Variants in IFT52 observed in about 807,000 individuals in gnomAD.
IFT52 encodes the protein intraflagellar transport 52.
In IFT52, 44 loss-of-function variants were observed where a neutral mutation model predicts 54.4. The observed-to-expected ratio is 0.81, with a 90% CI of 0.63 to 1.04. IFT52 has a LOEUF of 1.04. IFT52 is among the 50% of genes least tolerant of loss of function. The pLI is 0.00. For missense variants in IFT52, 452 were observed against 523.6 expected, an observed-to-expected ratio of 0.86 and a Z score of 1.33; for synonymous variants, 181 against 185.3, an observed-to-expected ratio of 0.98 and a Z score of 0.19.
chr20:43,593,630 C>T (rs535580616), intron 1 of IFT52, among the ~76,000 whole-genome samples: 1 of 152,194 alleles, frequency 6.6e-6, no homozygotes, highest in South Asian at 2.1e-4. Flanking sequence ...TGCAGAGTGG[C>T]GTGATTGTGG....
rs1982654540 is a variant in IFT52 at position 43,603,946 on chromosome 20, T to C, written c.337+57T>C. The C allele has an allele frequency of 4.0e-6, 5 of 1,252,098 alleles. No homozygotes were observed. The South Asian group carries it at 6.4e-5, about 16-fold the overall frequency. 77.6% of individuals were successfully genotyped at this position (1,252,098 alleles called of 1,614,324 possible). ...GTACTTTTCTATCTATTATTTGATA[T>C]CATAGCCCTCTAGGTCCAGTGGCAT... is the stretch of plus-strand genomic sequence containing the variant. On this transcript the variant is annotated intron_variant, in intron 4 of 13. Coordinates refer to ENST00000373030, the MANE Select transcript of IFT52 (RefSeq NM_016004.5).
intron 13 of IFT52, 126 bp from the exon 14 acceptor site, chr20:43,646,810 C>G (rs1986231441): frequency 2.4e-6 from 2 of 830,768 alleles, no homozygotes; most frequent in Admixed American, 2.2e-5. Flanking sequence ...AGCCCTAAAG[C>G]CAGATATTAT....
Position 43,647,052 on chromosome 20 carries a change from T to C in IFT52, c.*69T>C. 3 of 1,366,336 alleles carry C rather than the reference T, an allele frequency of 2.2e-6. No individual in the cohort carries two copies. Among genetic ancestry groups the C allele is most frequent in the Non-Finnish European group, 3.1e-6 (3 of 955,458 alleles). The allele number at this position is 1,366,336 out of a possible 1,614,324, so 84.6% of individuals were successfully genotyped here. On this transcript the variant is annotated 3_prime_UTR_variant, in exon 14 of 14. Transcript: ENST00000373030. ...TTGTAAACTATTTTCAAATTGTTTTTCAACTCCTTATCAAAATTGTTTATA... is the reference window on the plus strand; with the variant it reads ...TTGTAAACTATTTTCAAATTGTTTTCCAACTCCTTATCAAAATTGTTTATA...
At chr20:43,599,537 G>A (rs764636056) in intron 3 of IFT52, among the ~76,000 whole-genome samples, 1 of 151,886 alleles carries the variant, frequency 6.6e-6, no homozygotes, top group Non-Finnish European at 1.5e-5. Flanking sequence ...AGGGAAAAAA[G>A]CTGTTAGCTT....
chr20:43,599,653 C>A (rs773676969), intron 3 of IFT52, among the ~76,000 whole-genome samples: 1 of 152,146 alleles, frequency 6.6e-6, no homozygotes, highest in South Asian at 2.1e-4. Context: ...TAGACTGTTA[C>A]CCCTGGAGAG....
chr20:43,609,565 C>T (rs1032320744), intron 6 of IFT52, among the ~76,000 whole-genome samples: 3 of 151,836 alleles, frequency 2.0e-5, no homozygotes, highest in South Asian at 2.1e-4. Flanking sequence ...TGAGATCAGG[C>T]GTTCAAGACC....
At chr20:43,629,074 A>G (rs1306254104) in intron 10 of IFT52, among the ~76,000 whole-genome samples, 2 of 152,124 alleles carry the variant, frequency 1.3e-5, no homozygotes, top group South Asian at 2.1e-4. Context: ...GGGCCCAGAC[A>G]TGGATTTAAC....
chr20:43,593,584 T>C (rs1367858611), intron 1 of IFT52, among the ~76,000 whole-genome samples: 1 of 152,296 alleles, frequency 6.6e-6, no homozygotes, highest in East Asian at 1.9e-4. Context: ...TGTTGTTGTT[T>C]AAAGACAGGG....
chr20:43,598,943 T>A (rs538169600), intron 3 of IFT52, among the ~76,000 whole-genome samples: 1 of 152,172 alleles, frequency 6.6e-6, no homozygotes, highest in Non-Finnish European at 1.5e-5. Context: ...CTGCTGTTAC[T>A]CTGGGTGGTG....
intron 10 of IFT52, among the ~76,000 whole-genome samples, chr20:43,624,560 G>A (rs73907871): frequency 0.011 from 1,676 of 152,292 alleles, 24 homozygotes; most frequent in African/African-American, 0.03. Flanking sequence ...TAGGGAAGCC[G>A]TGGGATGGGA....
intron 6 of IFT52, chr20:43,605,348 A>G (rs1258184779): frequency 1.7e-6 from 1 of 576,440 alleles, no homozygotes; most frequent in African/African-American, 2.0e-5. Context: ...GGAGTTAGAG[A>G]CAAGTGTAAC....
chr20:43,642,468 A>T lies in IFT52; in HGVS notation c.1121-11A>T, dbSNP rs201720915. On this transcript the variant is annotated splice_polypyrimidine_tract_variant and intron_variant, in intron 12 of 13. Coordinates refer to ENST00000373030, the MANE Select transcript of IFT52 (RefSeq NM_016004.5). ...TAAGAATTAATCTAACTACTACTCC[A>T]ACTGTCTTAGGTACTGAAGAAGACC... 77 of 1,613,128 alleles carry T rather than the reference A, an allele frequency of 4.8e-5. No individual in the cohort carries two copies. The highest frequency in any genetic ancestry group is 6.3e-5 in the Non-Finnish European group (74 of 1,179,498).
chr20:43,607,577 C>T (rs1983044369), intron 6 of IFT52, among the ~76,000 whole-genome samples: 1 of 148,120 alleles, frequency 6.8e-6, no homozygotes, highest in African/African-American at 2.5e-5. Flanking sequence ...CGATGGGCGG[C>T]CGGGCAGAGA....
chr20:43,621,062 G>A, intron 9 of IFT52, 137 bp downstream of exon 9: 1 of 638,602 alleles, frequency 1.6e-6, no homozygotes, highest in African/African-American at 1.8e-5. Context: ...TGATTTGGGG[G>A]AGATGAAGGC....
At position 43,643,503 on chromosome 20, in the gene IFT52, A is replaced by G. The variant is rs1986067765; in HGVS notation, c.1266+879A>G. On this transcript the variant is annotated intron_variant, in intron 13 of 13. Transcript: ENST00000373030. ...TCTGTCTCAAAAAAAAAACAAAAAAATAGAGCTGGGTAAGAGGGATCAAGT... is the reference window on the plus strand; with the variant it reads ...TCTGTCTCAAAAAAAAAACAAAAAAGTAGAGCTGGGTAAGAGGGATCAAGT... Among the ~76,000 whole-genome samples, 2 of 57,416 alleles carry G rather than the reference A, an allele frequency of 3.5e-5. 1 individual carries two copies. The allele number at this position is 57,416 out of a possible 152,430, so 37.7% of individuals were successfully genotyped here.
chr20:43,627,701 GAC>G (rs1984830096), intron 10 of IFT52, among the ~76,000 whole-genome samples: 1 of 152,088 alleles, frequency 6.6e-6, no homozygotes, highest in African/African-American at 2.4e-5. Context: ...GTAAGCAAGA[GAC>G]AATGGGAAAG....
intron 13 of IFT52, among the ~76,000 whole-genome samples, chr20:43,643,164 CA>C (rs142320243): frequency 1.9e-4 from 26 of 138,708 alleles, no homozygotes; most frequent in African/African-American, 6.5e-4. Context: ...GACTCTGTCT[CA>C]AAAAAAAACA....
intron 6 of IFT52, among the ~76,000 whole-genome samples, chr20:43,612,614 C>T (rs1306997871): frequency 6.6e-6 from 1 of 151,922 alleles, no homozygotes; most frequent in Admixed American, 6.6e-5. Context: ...ATCGCTTCAG[C>T]CCAGGAGATT....
intron 7 of IFT52, among the ~76,000 whole-genome samples, chr20:43,615,127 T>TCTTGGCTCACTGCAATCTCTGCCTCCCG (rs1983759846): frequency 6.6e-6 from 1 of 150,796 alleles, no homozygotes; most frequent in Non-Finnish European, 1.5e-5. Flanking sequence ...AGTGGCGCAA[T>TCTTGGCTCACTGCAATCTCTGCCTCCCG]CTTGGCTCAC....
Sources: gnomAD v4.1 joint callset for allele counts (sites outside exome capture counted in the v4.1 genomes callset) on GRCh38, gnomAD v4.1.1 for gene constraint, MANE v1.5 for transcripts, NCBI Gene and HGNC (gene_info 2026-07-23, HGNC 2026-07-21) for gene names.